Variants in ZFP64 observed in about 807,000 individuals in gnomAD.
The protein encoded by ZFP64 is ZFP64 zinc finger protein.
Under a neutral mutation model 51.6 loss-of-function variants are expected in ZFP64, and 14 were observed. The ratio of observed to expected loss-of-function variants is 0.27; its 90% CI spans 0.18 to 0.42. The LOEUF is 0.42. Among genes scored for constraint, ZFP64 ranks in the 10% least tolerant of loss-of-function variants. The pLI, the probability that ZFP64 is intolerant of heterozygous loss-of-function variation, is 1.00. For synonymous variants in ZFP64, 375 were observed against 361.4 expected, an observed-to-expected ratio of 1.04 and a Z score of -0.43; for missense variants, 754 against 906.8, an observed-to-expected ratio of 0.83 and a Z score of 2.16.
At chr20:52,155,363 G>A (rs1981227986) in intron 5 of ZFP64, among the ~76,000 whole-genome samples, 1 of 152,074 alleles carries the variant, frequency 6.6e-6, no homozygotes, top group African/African-American at 2.4e-5. Flanking sequence ...AGACGTCTTT[G>A]TTTTCCCCAC....
exon 9 of ZFP64, chr20:52,084,914 G>T: frequency 6.2e-7 from 1 of 1,613,726 alleles, no homozygotes; most frequent in Non-Finnish European, 8.5e-7. Context: ...CGAAGCTGCA[G>T]AAGTCACACT....
intron 5 of ZFP64, among the ~76,000 whole-genome samples, chr20:52,144,594 A>AAAAAAAAAAAAAAAAAAC (rs1980428473): frequency 6.7e-6 from 1 of 148,828 alleles, no homozygotes; most frequent in Non-Finnish European, 1.5e-5. Flanking sequence ...AAAAAAAAAA[A>AAAAAAAAAAAAAAAAAAC]AAAAAAAATG....
chr20:52,116,158 T>G (rs1423689569), intron 5 of ZFP64, among the ~76,000 whole-genome samples: 7 of 148,220 alleles, frequency 4.7e-5, no homozygotes, highest in Admixed American at 2.0e-4. Context: ...TTTTTTGAGA[T>G]GGAGTCTCGC....
In ZFP64 at chr20:52,191,687, G is replaced by A. The variant is rs771360267; in HGVS notation, c.-51C>T. On this transcript the variant is annotated 5_prime_UTR_variant, in exon 1 of 6. Transcript: ENST00000216923. This position sits in a 1 kb window ranked among gnomAD's most constrained non-coding sequence, Gnocchi z 4.3. ...CGGCCGGGATGCCAAAGTGGGGGAC[G>A]CTGATCTACATGGTGCAAGGACTTT... 3.2e-6 allele frequency: 5 copies of A among 1,554,996 alleles called. No homozygotes were observed. The highest frequency in any genetic ancestry group is 2.8e-5 in the African/African-American group (2 of 71,954).
At chr20:52,084,890 G>C (rs145128997) in exon 9 of ZFP64, 21 of 1,613,534 alleles carry the variant, frequency 1.3e-5, no homozygotes, top group Non-Finnish European at 1.8e-5. Flanking sequence ...CCAGGCTGCT[G>C]GGCCGCTTCG....
intron 5 of ZFP64, among the ~76,000 whole-genome samples, chr20:52,112,360 G>A (rs6123128): frequency 0.053 from 8,063 of 152,186 alleles, 283 homozygotes; most frequent in Admixed American, 0.11. Context: ...TCTGTAATTG[G>A]TTATTCCACT....
chr20:52,148,151 T>C (rs967062119), downstream of ZFP64, among the ~76,000 whole-genome samples: 2 of 152,186 alleles, frequency 1.3e-5, no homozygotes, highest in African/African-American at 4.8e-5. Context: ...TAAGAACATT[T>C]TGGAAAATAA....
downstream of ZFP64, among the ~76,000 whole-genome samples, chr20:52,149,064 C>A (rs1287254413): frequency 3.3e-5 from 5 of 152,128 alleles, no homozygotes; most frequent in African/African-American, 1.2e-4. Flanking sequence ...CAGCCCTATG[C>A]AGAGACGTCT....
At chr20:52,180,672 CT>C (rs746664095) in intron 2 of ZFP64, among the ~76,000 whole-genome samples, 5 of 152,250 alleles carry the variant, frequency 3.3e-5, no homozygotes, top group East Asian at 3.9e-4. Flanking sequence ...TCACAGCCCC[CT>C]GATTATGTAA....
Position 52,116,296 on chromosome 20 carries a change from C to T in ZFP64, c.764-17709G>A, listed in dbSNP as rs560768227. ...GATTACAGGCATGCATCACCACGCA[C>T]GGCTTATTTTTGTATTTTTAGTAGA... is the stretch of plus-strand genomic sequence containing the variant. On this transcript the variant is annotated intron_variant, in intron 5 of 8. Transcript: ENST00000361387. 2.6e-4 allele frequency among the ~76,000 whole-genome samples: 39 copies of T among 151,778 alleles called. No homozygotes were observed. In the East Asian group the frequency reaches 2.9e-3, roughly 11 times the overall value.
At chr20:52,142,789 G>A (rs1333265014) in intron 5 of ZFP64, among the ~76,000 whole-genome samples, 1 of 116,824 alleles carries the variant, frequency 8.6e-6, no homozygotes, top group Non-Finnish European at 1.7e-5. Context: ...GTAGTGAGTT[G>A]AGATCATGCC....
intron 5 of ZFP64, among the ~76,000 whole-genome samples, chr20:52,099,886 T>C (rs1208328902): frequency 6.6e-6 from 1 of 152,262 alleles, no homozygotes; most frequent in Non-Finnish European, 1.5e-5. Flanking sequence ...TGTTTCAATC[T>C]AATATGTAGG....
chr20:52,141,467 G>A (rs1980250673), intron 5 of ZFP64, among the ~76,000 whole-genome samples: 1 of 152,180 alleles, frequency 6.6e-6, no homozygotes, highest in Non-Finnish European at 1.5e-5. Flanking sequence ...CTTAGCAGGA[G>A]TTTGTAAGAA....
At chr20:52,174,458 G>C (rs760961269) in intron 2 of ZFP64, among the ~76,000 whole-genome samples, 24 of 146,472 alleles carry the variant, frequency 1.6e-4, no homozygotes, top group Non-Finnish European at 3.4e-4. Flanking sequence ...GCTCCAGCCT[G>C]GGCAACAGAG....
intron 5 of ZFP64, among the ~76,000 whole-genome samples, chr20:52,136,096 C>CAAAAAAAAAAAAAAAA (rs71192597): frequency 2.6e-5 from 1 of 38,030 alleles, no homozygotes; most frequent in Admixed American, 4.1e-4. Flanking sequence ...GAGACTCTCT[C>CAAAAAAAAAAAAAAAA]AAAAAAAAAA....
chr20:52,099,877 G>C (rs1002931827), intron 5 of ZFP64, among the ~76,000 whole-genome samples: 19 of 152,192 alleles, frequency 1.2e-4, no homozygotes, highest in African/African-American at 4.3e-4. Context: ...ATAATTTCAT[G>C]TTTCAATCTA....
intron 4 of ZFP64, among the ~76,000 whole-genome samples, chr20:52,163,955 T>C (rs1982033019): frequency 6.6e-6 from 1 of 152,208 alleles, no homozygotes; most frequent in African/African-American, 2.4e-5. Context: ...AAATTCTCCT[T>C]TCTAAATTAC....
chr20:52,110,765 C>G, intron 5 of ZFP64: 1 of 1,597,090 alleles, frequency 6.3e-7, no homozygotes, highest in Non-Finnish European at 8.6e-7. Flanking sequence ...AAGTCCCCCT[C>G]CCGGGAGAGG....
At chr20:52,125,579 G>A (rs1239852856) in intron 5 of ZFP64, among the ~76,000 whole-genome samples, 2 of 152,304 alleles carry the variant, frequency 1.3e-5, no homozygotes, top group East Asian at 3.9e-4. Flanking sequence ...GTCTTGGGTG[G>A]CAGCAGCTGG....
Sources: gnomAD v4.1 joint callset for allele counts (sites outside exome capture counted in the v4.1 genomes callset) on GRCh38, gnomAD v4.1.1 for gene constraint, Gnocchi (gnomAD v3.1) non-coding constraint, MANE v1.5 for transcripts, NCBI Gene and HGNC (gene_info 2026-07-23, HGNC 2026-07-21) for gene names.